Variants in POLR3B observed in about 807,000 individuals in gnomAD.
POLR3B encodes the protein DNA-directed RNA polymerase III subunit RPC2.
In POLR3B, 96 loss-of-function variants were observed where a neutral mutation model predicts 147.4. That is an observed-to-expected ratio of 0.65 (90% CI 0.55 to 0.77). POLR3B has a LOEUF of 0.77. POLR3B is among the 30% of genes least tolerant of loss of function. The pLI, the probability that POLR3B is intolerant of heterozygous loss-of-function variation, is 0.00. For synonymous variants in POLR3B, 461 were observed against 485.9 expected (o/e 0.95, Z 0.67); for missense variants, 1,036 against 1,413.5 (o/e 0.73, Z 4.28).
chr12:106,460,803 C>T (rs576598156), intron 22 of POLR3B, among the ~76,000 whole-genome samples: 1 of 152,252 alleles, frequency 6.6e-6, no homozygotes, highest in Admixed American at 6.5e-5. Flanking sequence ...CAACCTGTTT[C>T]CTATTGATTC....
intron 25 of POLR3B, among the ~76,000 whole-genome samples, chr12:106,497,465 CA>C (rs1219525138): frequency 6.6e-6 from 1 of 152,002 alleles, no homozygotes; most frequent in Non-Finnish European, 1.5e-5. Flanking sequence ...GACCTCGTCT[CA>C]AAAAATATAA....
At chr12:106,488,583 CAG>C (rs1285780809) in intron 23 of POLR3B, among the ~76,000 whole-genome samples, 3 of 152,122 alleles carry the variant, frequency 2.0e-5, no homozygotes, top group Non-Finnish European at 2.9e-5. Flanking sequence ...AAAGGGAAAA[CAG>C]AGCTGAACAT....
chr12:106,437,118 G>A lies in POLR3B; in HGVS notation c.1843G>A (p.Ala615Thr). 1 of 1,612,576 alleles carries A rather than the reference G, an allele frequency of 6.2e-7. No individual in the cohort carries two copies. The highest frequency in any genetic ancestry group is 8.5e-7 in the Non-Finnish European group (1 of 1,179,120). The change falls in exon 17 of 28, where the codon GCC becomes ACC. Residue 615 changes from alanine to threonine, a missense_variant. This residue lies in a region of POLR3B where 177 missense variants were observed against 232.7 expected (regional missense o/e 0.76). Coordinates refer to ENST00000228347, the MANE Select transcript of POLR3B (RefSeq NM_018082.6). ...CACAAATAAACATATGGAAGAGCTG[G>A]CCCAAGGGTACAGGTAAGTAGCCAA... ...AVTNKHMEEL[A>T]QGYRNFEDFL...
chr12:106,380,154 C>A lies in POLR3B; in HGVS notation c.723+15C>A. On this transcript the variant is annotated intron_variant, in intron 9 of 27. Transcript: ENST00000228347. The stretch of plus-strand genomic sequence containing the variant: ...TCATATTTAAGGTAAAGCTGCAGCT[C>A]TCTTCTGAAAATTGTAAGAATTCTT... The A allele has an allele frequency of 7.4e-7, 1 of 1,354,918 alleles. No individual in the cohort carries two copies. The highest frequency in any genetic ancestry group is 1.1e-6 in the Non-Finnish European group (1 of 944,054). The allele number at this position is 1,354,918 out of a possible 1,614,324, so 83.9% of individuals were successfully genotyped here.
chr12:106,367,238 T>G (rs935617676), intron 4 of POLR3B, among the ~76,000 whole-genome samples: 2 of 152,236 alleles, frequency 1.3e-5, no homozygotes, highest in Admixed American at 6.5e-5. Context: ...AATATTTAAA[T>G]TTTTATTTTG....
chr12:106,405,777 A>C, intron 10 of POLR3B, 80 bp from the exon 11 acceptor site: 1 of 1,372,746 alleles, frequency 7.3e-7, no homozygotes, highest in Non-Finnish European at 1.0e-6. Context: ...TCTTTCGCTC[A>C]TACTGTACAT....
At chr12:106,492,354 TG>T (rs1565914172) in intron 23 of POLR3B, among the ~76,000 whole-genome samples, 1 of 151,948 alleles carries the variant, frequency 6.6e-6, no homozygotes, top group Non-Finnish European at 1.5e-5. Flanking sequence ...GAGACCAGCC[TG>T]GGCAACATAG....
chr12:106,391,554 A>G (rs1468557083), intron 9 of POLR3B, among the ~76,000 whole-genome samples: 4 of 152,194 alleles, frequency 2.6e-5, no homozygotes, highest in Admixed American at 2.6e-4. Flanking sequence ...ATCGGATCCT[A>G]AAGTATCCAA....
intron 23 of POLR3B, among the ~76,000 whole-genome samples, chr12:106,479,301 C>T (rs913251666): frequency 7.9e-5 from 12 of 151,116 alleles, no homozygotes; most frequent in Admixed American, 2.0e-4. Context: ...ATTTGATCAA[C>T]GTTATTTTTC....
chr12:106,445,887 G>A (rs958107346), intron 19 of POLR3B, among the ~76,000 whole-genome samples: 3 of 152,156 alleles, frequency 2.0e-5, no homozygotes, highest in Admixed American at 6.5e-5. Flanking sequence ...TCTTCATTAT[G>A]GATAGAGAGT....
At position 106,388,516 on chromosome 12, in the gene POLR3B, C is replaced by G. The variant is rs148858695; in HGVS notation, c.724-4515C>G. Among the ~76,000 whole-genome samples, 128 of 152,228 alleles carry G rather than the reference C, an allele frequency of 8.4e-4. 2 individuals are homozygous for G. The East Asian group carries it at 0.023, about 28-fold the overall frequency. On this transcript the variant is annotated intron_variant, in intron 9 of 27. Coordinates refer to ENST00000228347, the MANE Select transcript of POLR3B (RefSeq NM_018082.6). ...TATCTTTAGTAGAGACGGGGTTTCT[C>G]CATGTTGGCCAGGATGGTCTTGATC... is the stretch of plus-strand genomic sequence containing the variant.
chr12:106,435,673 G>A (rs1392457752), intron 16 of POLR3B, among the ~76,000 whole-genome samples: 1 of 152,046 alleles, frequency 6.6e-6, no homozygotes, highest in Non-Finnish European at 1.5e-5. Flanking sequence ...ATTGTCCTGA[G>A]AACTAGTTGA....
intron 12 of POLR3B, among the ~76,000 whole-genome samples, chr12:106,411,670 G>T (rs1416366700): frequency 6.6e-6 from 1 of 152,152 alleles, no homozygotes; most frequent in Non-Finnish European, 1.5e-5. Context: ...CTCAGTGGAA[G>T]GGAGAGAGAC....
chr12:106,481,432 G>T (rs910162952), intron 23 of POLR3B, among the ~76,000 whole-genome samples: 11 of 152,178 alleles, frequency 7.2e-5, no homozygotes, highest in African/African-American at 2.7e-4. Flanking sequence ...TTTCAGCTTC[G>T]CTCCTCACGC....
intron 12 of POLR3B, among the ~76,000 whole-genome samples, chr12:106,411,343 G>A (rs748878232): frequency 9.2e-5 from 14 of 152,178 alleles, no homozygotes; most frequent in Admixed American, 5.2e-4. Context: ...TCTCCATGTT[G>A]GTCAGGCTGG....
intron 23 of POLR3B, among the ~76,000 whole-genome samples, chr12:106,471,592 T>A (rs1480646181): frequency 1.3e-5 from 2 of 152,008 alleles, no homozygotes; most frequent in Non-Finnish European, 2.9e-5. Flanking sequence ...TATTTGGCCA[T>A]CTTGGATGCA....
chr12:106,451,577 G>T (rs1422123138), intron 19 of POLR3B, among the ~76,000 whole-genome samples: 3 of 134,354 alleles, frequency 2.2e-5, no homozygotes, highest in Non-Finnish European at 4.6e-5. Context: ...AGTCGAGATT[G>T]TAACACTGCA....
intron 8 of POLR3B, among the ~76,000 whole-genome samples, 167 bp downstream of exon 8, chr12:106,378,551 A>T (rs1463720245): frequency 6.6e-6 from 1 of 152,212 alleles, no homozygotes; most frequent in Non-Finnish European, 1.5e-5. Flanking sequence ...AGCATAGGGT[A>T]CTGATTTTAA....
At position 106,501,366 on chromosome 12, in the gene POLR3B, C is replaced by A. The variant is rs1463771943; in HGVS notation, c.3028C>A (p.Gln1010Lys). 6.2e-7 allele frequency: 1 copy of A among 1,613,764 alleles called. No homozygotes were observed. ...AYIYFGPVYY[Q>K]KLKHMVLDKM... ...CATCTATTTTGGCCCCGTGTACTAT[C>A]AGAAGCTGAAACACATGGTGCTAGA... Residue 1010 changes from glutamine to lysine, a missense_variant, in exon 26 of 28, where the codon CAG (glutamine) becomes AAG (lysine). Gln to Lys is a moderately conservative substitution (Grantham distance 53). Around this residue, in one of 12 missense-constraint regions of POLR3B, gnomAD observed 88 missense variants for 87.5 expected, o/e 1.01. Coordinates refer to ENST00000228347, the MANE Select transcript of POLR3B (RefSeq NM_018082.6).
Sources: allele counts gnomAD v4.1 joint callset (sites outside exome capture counted in the v4.1 genomes callset), GRCh38; gene constraint gnomAD v4.1.1; regional missense constraint gnomAD v4.1.1; transcripts MANE v1.5; gene names NCBI Gene and HGNC (gene_info 2026-07-23, HGNC 2026-07-21).